Variants in C1QTNF2 observed in about 807,000 individuals in gnomAD.
C1QTNF2 encodes the protein complement C1q tumor necrosis factor-related protein 2.
Under a neutral mutation model 17.4 loss-of-function variants are expected in C1QTNF2, and 15 were observed. The ratio of observed to expected loss-of-function variants is 0.86; its 90% CI spans 0.58 to 1.33. The LOEUF (loss-of-function observed/expected upper bound fraction) is 1.33, where lower values mean the gene tolerates loss of function less well. C1QTNF2 is among the 40% of genes most tolerant of loss of function. The probability of loss-of-function intolerance (pLI) is 0.00; values close to 1 mark genes in which losing one functional copy is unlikely to be tolerated. For missense variants in C1QTNF2, 381 were observed against 392.3 expected, an observed-to-expected ratio of 0.97 and a Z score of 0.24; for synonymous variants, 154 against 163.3, an observed-to-expected ratio of 0.94 and a Z score of 0.44.
chr5:160,349,563 C>A lies in C1QTNF2; in HGVS notation c.463G>T (p.Ala155Ser), dbSNP rs774952757. ...TCCCGTGGGTAGCTCTTGGTCACTG[C>A]CACCGAGAAAGCTGACTTGGTATGG... is the stretch of plus-strand genomic sequence containing the variant. ...SGHTKSAFSV[A>S]VTKSYPRERL... is the part of the protein sequence containing the mutation. Residue 155 changes from alanine (A) to serine (S), a missense_variant, in exon 3 of 3, where the codon GCA becomes TCA. Physicochemically the swap from Ala to Ser is moderately conservative, Grantham distance 99. Coordinates refer to ENST00000652664, the MANE Select transcript of C1QTNF2 (RefSeq NM_031908.6). The surrounding 1 kb of genome is among the most constrained non-coding windows in gnomAD (Gnocchi z 4.3). 5.6e-6 allele frequency: 9 copies of A among 1,613,630 alleles called. No individual in the cohort carries two copies. The Admixed American group carries it at 1.3e-4, about 24-fold the overall frequency.
intron 1 of C1QTNF2, among the ~76,000 whole-genome samples, chr5:160,359,589 T>C (rs1313274196): frequency 6.6e-6 from 1 of 152,234 alleles, no homozygotes; most frequent in Non-Finnish European, 1.5e-5. Flanking sequence ...TTTGAAAACG[T>C]ACAAGTGATG....
chr5:160,355,396 A>G, intron 1 of C1QTNF2: 1 of 271,064 alleles, frequency 3.7e-6, no homozygotes. Context: ...TGGCATGAAT[A>G]GAAAGTTACA....
chr5:160,354,595 A>T (rs1388649910), intron 2 of C1QTNF2, among the ~76,000 whole-genome samples, 173 bp downstream of exon 2: 142 of 32,644 alleles, frequency 4.3e-3, no homozygotes, highest in African/African-American at 0.012. Context: ...AAAAAAAAAA[A>T]AAGTATATAT....
At chr5:160,366,441 G>T (rs1388722201) in intron 1 of C1QTNF2, among the ~76,000 whole-genome samples, 2 of 152,136 alleles carry the variant, frequency 1.3e-5, no homozygotes, top group Non-Finnish European at 2.9e-5. Context: ...ATGGGAGAAG[G>T]TTGCCACACT....
At chr5:160,369,304 AGTGT>A (rs986620816) in intron 1 of C1QTNF2, among the ~76,000 whole-genome samples, 7 of 152,350 alleles carry the variant, frequency 4.6e-5, no homozygotes, top group African/African-American at 1.7e-4. Context: ...AAGACTGGTA[AGTGT>A]GGTATCCCTG....
chr5:160,354,859 T>C lies in C1QTNF2; in HGVS notation c.153A>G (p.Pro51=), dbSNP rs1289316047. The C allele has an allele frequency of 1.2e-6, 2 of 1,609,562 alleles. No individual in the cohort carries two copies. The highest frequency in any genetic ancestry group is 1.7e-6 in the Non-Finnish European group (2 of 1,178,294). The change falls in exon 2 of 3, where the codon CCA becomes CCG. Residue 51 remains proline (P), a synonymous_variant. Coordinates refer to ENST00000652664, the MANE Select transcript of C1QTNF2 (RefSeq NM_031908.6). ...TTCGTCCCATCATTCCTGAGGGCCC[T>C]GGGGCTCCTGGGGGGCCGGGTGGGC... ...PQGPPGPPGA[P]GPSGMMGRMG...
intron 2 of C1QTNF2, among the ~76,000 whole-genome samples, chr5:160,352,862 A>T (rs1163240717): frequency 4.6e-5 from 7 of 152,258 alleles, no homozygotes; most frequent in African/African-American, 7.2e-5. Flanking sequence ...AGCTATCTGC[A>T]TGCTATGTGA....
intron 1 of C1QTNF2, among the ~76,000 whole-genome samples, chr5:160,364,852 G>A (rs957455901): frequency 1.3e-5 from 2 of 152,160 alleles, no homozygotes; most frequent in Non-Finnish European, 2.9e-5. Flanking sequence ...GGGAAGAAGC[G>A]GGATGGTGCT....
At chr5:160,354,597 A>AATATATATATATATATATATAT (rs769774870) in intron 2 of C1QTNF2, among the ~76,000 whole-genome samples, 171 bp downstream of exon 2, 1 of 89,306 alleles carries the variant, frequency 1.1e-5, no homozygotes, top group African/African-American at 4.8e-5. Context: ...AAAAAAAAAA[A>AATATATATATATATATATATAT]GTATATATAT....
chr5:160,357,259 G>A (rs546129312), intron 1 of C1QTNF2, among the ~76,000 whole-genome samples: 2 of 152,340 alleles, frequency 1.3e-5, no homozygotes, highest in African/African-American at 4.8e-5. Context: ...ATTGAGGTGT[G>A]GGTTGCCTGG....
At position 160,354,864 on chromosome 5, in the gene C1QTNF2, C is replaced by T. The variant is rs371465492; in HGVS notation, c.148G>A (p.Ala50Thr). The T allele has an allele frequency of 7.5e-6, 12 of 1,609,676 alleles. No homozygotes were observed. The highest frequency in any genetic ancestry group is 1.3e-5 in the African/African-American group (1 of 74,972). Reference protein sequence around the residue: ...GPQGPPGPPGAPGPSGMMGRM... With the variant: ...GPQGPPGPPGTPGPSGMMGRM... ...CCCATCATTCCTGAGGGCCCTGGGG[C>T]TCCTGGGGGGCCGGGTGGGCCCTGG... The change falls in exon 2 of 3, where the codon GCC becomes ACC. Residue 50 changes from alanine (A) to threonine (T), a missense_variant. Coordinates refer to ENST00000652664, the MANE Select transcript of C1QTNF2 (RefSeq NM_031908.6).
chr5:160,368,937 C>A (rs1238380903), intron 1 of C1QTNF2, among the ~76,000 whole-genome samples: 1 of 152,070 alleles, frequency 6.6e-6, no homozygotes, highest in East Asian at 1.9e-4. Flanking sequence ...CAATGACACA[C>A]TATGCCCATT....
chr5:160,349,625 T>C lies in C1QTNF2; in HGVS notation c.401A>G (p.Glu134Gly). ...GCTGCAGGGGCCTGGGAGGCCTGGCTCCCCCTTCTTGCCCTTGGGCCCCTT... is the reference window on the plus strand; with the variant it reads ...GCTGCAGGGGCCTGGGAGGCCTGGCCCCCCCTTCTTGCCCTTGGGCCCCTT... ...GKKGPKGKKG[E>G]PGLPGPCSCG... Residue 134 changes from glutamate to glycine, a missense_variant, in exon 3 of 3, where the codon GAG becomes GGG. By Grantham distance (98) the Glu-to-Gly change is moderately conservative. Transcript: ENST00000652664. The surrounding 1 kb of genome is among the most constrained non-coding windows in gnomAD (Gnocchi z 4.3). The C allele has an allele frequency of 6.2e-7, 1 of 1,613,352 alleles. No individual in the cohort carries two copies. Among genetic ancestry groups the C allele is most frequent in the Non-Finnish European group, 8.5e-7 (1 of 1,179,932 alleles).
At chr5:160,359,318 A>G (rs1396568631) in intron 1 of C1QTNF2, among the ~76,000 whole-genome samples, 2 of 152,122 alleles carry the variant, frequency 1.3e-5, no homozygotes, top group African/African-American at 4.8e-5. Context: ...CATTTTATAA[A>G]AGACATTGAA....
At chr5:160,354,584 G>GAAAAAA (rs200801719) in intron 2 of C1QTNF2, among the ~76,000 whole-genome samples, 184 bp downstream of exon 2, 17 of 27,466 alleles carry the variant, frequency 6.2e-4, no homozygotes, top group African/African-American at 2.5e-3. Context: ...GTCTCAAGGG[G>GAAAAAA]AAAAAAAAAA....
At position 160,349,120 on chromosome 5, in the gene C1QTNF2, C is replaced by A; in HGVS notation, c.*48G>T. On this transcript the variant is annotated 3_prime_UTR_variant, in exon 3 of 3. Transcript: ENST00000652664. The surrounding 1 kb of genome is among the most constrained non-coding windows in gnomAD (Gnocchi z 4.3). The stretch of plus-strand genomic sequence containing the variant: ...CAGTTGTGGGGTCTTGCTCTGTAAG[C>A]CCAAGTCCAGAAGCTTGTTCCCTGC... 6.4e-7 allele frequency: 1 copy of A among 1,561,818 alleles called. No individual in the cohort carries two copies. The highest frequency in any genetic ancestry group is 8.7e-7 in the Non-Finnish European group (1 of 1,153,812).
intron 1 of C1QTNF2, among the ~76,000 whole-genome samples, chr5:160,357,396 T>A (rs1317444903): frequency 6.6e-6 from 1 of 152,076 alleles, no homozygotes; most frequent in Admixed American, 6.5e-5. Flanking sequence ...TCAACCTAGG[T>A]TGGATAAATA....
chr5:160,351,446 A>T (rs547919019), intron 2 of C1QTNF2, among the ~76,000 whole-genome samples: 2 of 152,268 alleles, frequency 1.3e-5, no homozygotes, highest in African/African-American at 4.8e-5. Context: ...TAGGCATTTC[A>T]CTGTGTTTTA....
At chr5:160,358,993 G>T (rs1027697051) in intron 1 of C1QTNF2, among the ~76,000 whole-genome samples, 1 of 151,882 alleles carries the variant, frequency 6.6e-6, no homozygotes, top group African/African-American at 2.4e-5. Context: ...GTCATCCGCT[G>T]GTCTCAAACT....
Sources: allele counts gnomAD v4.1 joint callset (sites outside exome capture counted in the v4.1 genomes callset), GRCh38; gene constraint gnomAD v4.1.1; non-coding constraint Gnocchi (gnomAD v3.1); transcripts MANE v1.5; gene names NCBI Gene and HGNC (gene_info 2026-07-23, HGNC 2026-07-21).